Variants in GRIK2 observed in about 807,000 individuals in gnomAD.
GRIK2 encodes the protein glutamate ionotropic receptor kainate type subunit 2.
A neutral mutation model predicts 100.3 loss-of-function variants in GRIK2; 32 were observed. The observed-to-expected ratio is 0.32, with a 90% CI of 0.24 to 0.43. The LOEUF is 0.43. Ranked by LOEUF, GRIK2 falls within the 20% of genes least tolerant of loss-of-function variation. GRIK2 has a pLI of 1.00. For synonymous variants in GRIK2, 417 were observed against 389.4 expected (o/e 1.07, Z -0.83); for missense variants, 843 against 1,114.9 (o/e 0.76, Z 3.47).
At chr6:101,405,423 A>G (rs1336996100) in intron 2 of GRIK2, among the ~76,000 whole-genome samples, 1 of 152,026 alleles carries the variant, frequency 6.6e-6, no homozygotes, top group Non-Finnish European at 1.5e-5. Context: ...GTTGAAGGGT[A>G]AGTGTTGATG....
At chr6:101,841,655 C>T (rs1300412114) in intron 10 of GRIK2, among the ~76,000 whole-genome samples, 4 of 152,200 alleles carry the variant, frequency 2.6e-5, no homozygotes, top group South Asian at 2.1e-4. Context: ...TGAGCCACCC[C>T]GCCCAGCCTG....
intron 2 of GRIK2, among the ~76,000 whole-genome samples, chr6:101,491,020 G>A (rs76455216): frequency 0.025 from 3,686 of 145,862 alleles, 357 homozygotes; most frequent in Non-Finnish European, 0.039. Context: ...CGGTGAGAAA[G>A]TTGGCATTCA....
chr6:101,799,417 T>G (rs1166961970), intron 7 of GRIK2, among the ~76,000 whole-genome samples: 1 of 152,032 alleles, frequency 6.6e-6, no homozygotes, highest in Non-Finnish European at 1.5e-5. Flanking sequence ...ATTGGGTTAT[T>G]TCAGGAAAAG....
At chr6:101,735,118 G>A (rs1340538443) in intron 7 of GRIK2, among the ~76,000 whole-genome samples, 2 of 152,142 alleles carry the variant, frequency 1.3e-5, no homozygotes, top group Non-Finnish European at 2.9e-5. Context: ...TTAGTTTTAG[G>A]TTTATGAAGT....
intron 2 of GRIK2, among the ~76,000 whole-genome samples, chr6:101,551,263 A>G (rs1776495809): frequency 6.6e-6 from 1 of 152,152 alleles, no homozygotes; most frequent in Admixed American, 6.5e-5. Flanking sequence ...AGAGCTTCGT[A>G]TAGCACTTGC....
At chr6:101,745,064 A>G (rs1463426612) in intron 7 of GRIK2, 2 of 152,212 alleles carry the variant, frequency 1.3e-5, no homozygotes, top group East Asian at 3.8e-4. Flanking sequence ...TCCATTTGAA[A>G]AGATATTTTT....
At position 101,399,215 on chromosome 6, in the gene GRIK2, G is replaced by T. The variant is rs373100306; in HGVS notation, c.-63G>T. The T allele has an allele frequency of 1.2e-6, 1 of 828,818 alleles. No individual in the cohort carries two copies. The highest frequency in any genetic ancestry group is 1.7e-5 in the Admixed American group (1 of 58,758). 51.3% of individuals were successfully genotyped at this position (828,818 alleles called of 1,614,324 possible). ...ACTCGACGCATCCTCATTTCTACCCGAACCCAGGAGCCGAACGCTAGATCG... is the reference window on the plus strand; with the variant it reads ...ACTCGACGCATCCTCATTTCTACCCTAACCCAGGAGCCGAACGCTAGATCG... On this transcript the variant is annotated 5_prime_UTR_variant, in exon 2 of 17. Transcript: ENST00000369134.
At chr6:101,941,529 G>C (rs535102989) in intron 14 of GRIK2, among the ~76,000 whole-genome samples, 1 of 151,664 alleles carries the variant, frequency 6.6e-6, no homozygotes, top group Non-Finnish European at 1.5e-5. Context: ...AAAGAAACAA[G>C]GAAGTTAACC....
intron 14 of GRIK2, among the ~76,000 whole-genome samples, chr6:101,995,683 A>T (rs1260014219): frequency 6.6e-6 from 1 of 151,916 alleles, no homozygotes; most frequent in Non-Finnish European, 1.5e-5. Context: ...TATATAATAC[A>T]TATGCGAGAT....
At chr6:101,625,900 G>A (rs1019519096) in intron 3 of GRIK2, among the ~76,000 whole-genome samples, 5 of 152,088 alleles carry the variant, frequency 3.3e-5, no homozygotes, top group African/African-American at 1.2e-4. Context: ...CGCATAACCC[G>A]ACATGTATCA....
At chr6:101,963,231 T>C (rs544806435) in intron 14 of GRIK2, among the ~76,000 whole-genome samples, 3 of 148,968 alleles carry the variant, frequency 2.0e-5, no homozygotes, top group African/African-American at 7.3e-5. Flanking sequence ...TTAGGACTTA[T>C]ATATCTTAAT....
chr6:101,568,021 T>C (rs1777361449), intron 2 of GRIK2, among the ~76,000 whole-genome samples: 1 of 152,010 alleles, frequency 6.6e-6, no homozygotes, highest in Admixed American at 6.6e-5. Flanking sequence ...TGAACTTTAT[T>C]GATCTTATTA....
chr6:101,752,089 A>G (rs1776825364), intron 7 of GRIK2, among the ~76,000 whole-genome samples: 1 of 152,202 alleles, frequency 6.6e-6, no homozygotes, highest in Admixed American at 6.5e-5. Flanking sequence ...TTTATTTACC[A>G]CTTTTCAAAA....
intron 2 of GRIK2, among the ~76,000 whole-genome samples, chr6:101,420,287 C>T (rs1362894591): frequency 6.6e-6 from 1 of 152,150 alleles, no homozygotes; most frequent in African/African-American, 2.4e-5. Context: ...TCTAGTTTTC[C>T]ATGTACACTT....
intron 2 of GRIK2, among the ~76,000 whole-genome samples, chr6:101,519,720 G>A (rs1004188399): frequency 2.0e-5 from 3 of 151,962 alleles, no homozygotes; most frequent in South Asian, 2.1e-4. Flanking sequence ...AACCATTGCC[G>A]GTACTTAAAT....
intron 14 of GRIK2, among the ~76,000 whole-genome samples, chr6:101,971,550 CTTTTA>C (rs1793053636): frequency 6.6e-6 from 1 of 151,846 alleles, no homozygotes; most frequent in African/African-American, 2.4e-5. Flanking sequence ...TTATTTTTTT[CTTTTA>C]TTTTTATAAT....
intron 14 of GRIK2, among the ~76,000 whole-genome samples, chr6:102,014,928 G>C (rs1445946160): frequency 6.6e-6 from 1 of 152,070 alleles, no homozygotes; most frequent in Non-Finnish European, 1.5e-5. Context: ...GGGGTGGAGA[G>C]TTCTTTAGAT....
intron 2 of GRIK2, among the ~76,000 whole-genome samples, chr6:101,451,008 A>G (rs1450038485): frequency 6.6e-6 from 1 of 151,656 alleles, no homozygotes; most frequent in African/African-American, 2.4e-5. Context: ...TGATCCCATG[A>G]CAATGTTTGA....
At chr6:101,408,024 T>A (rs1775680639) in intron 2 of GRIK2, among the ~76,000 whole-genome samples, 1 of 152,072 alleles carries the variant, frequency 6.6e-6, no homozygotes, top group Admixed American at 6.6e-5. Flanking sequence ...TTGGGACAGA[T>A]AATGGGCTAG....
Sources: gnomAD v4.1 joint callset for allele counts (sites outside exome capture counted in the v4.1 genomes callset) on GRCh38, gnomAD v4.1.1 for gene constraint, MANE v1.5 for transcripts, NCBI Gene and HGNC (gene_info 2026-07-23, HGNC 2026-07-21) for gene names.